Variants in SCYL1 observed in about 807,000 individuals in gnomAD.
The protein encoded by SCYL1 is SCY1 like pseudokinase 1, also known as N-terminal kinase-like protein.
In SCYL1, 85 loss-of-function variants were observed where a neutral mutation model predicts 94.8. The ratio of observed to expected loss-of-function variants is 0.90; its 90% CI spans 0.75 to 1.07. The LOEUF (loss-of-function observed/expected upper bound fraction) is 1.07. Ranked by LOEUF, SCYL1 falls within the 50% of genes least tolerant of loss-of-function variation. The pLI is 0.00. For missense variants in SCYL1, 968 were observed against 1,083.3 expected (o/e 0.89, Z 1.49); for synonymous variants, 459 against 435.5 (o/e 1.05, Z -0.67).
intron 10 of SCYL1, 25 bp from the exon 11 acceptor site, chr11:65,535,928 A>C: frequency 6.5e-7 from 1 of 1,544,284 alleles, no homozygotes; most frequent in Non-Finnish European, 8.7e-7. Context: ...TACACTCAGG[A>C]GCCCTCTTTC....
Position 65,532,765 on chromosome 11 carries a change from T to C in SCYL1, c.1190T>C (p.Phe397Ser). 6.2e-7 allele frequency: 1 copy of C among 1,614,092 alleles called. No individual in the cohort carries two copies. Among genetic ancestry groups the C allele is most frequent in the Non-Finnish European group, 8.5e-7 (1 of 1,179,956 alleles). The change falls in exon 9 of 18, where the codon TTC becomes TCC. Residue 397 changes from phenylalanine to serine, a missense_variant. Physicochemically the swap from Phe to Ser is radical, Grantham distance 155. Coordinates refer to ENST00000270176, the MANE Select transcript of SCYL1 (RefSeq NM_020680.4). Reference protein sequence around the residue: ...TQIFPHVVHGFLDTNPAIREQ... With the variant: ...TQIFPHVVHGSLDTNPAIREQ... Reference sequence around the variant, plus strand: ...ATCTTCCCCCACGTCGTACATGGCTTCCTGGACACCAACCCTGCCATCCGG... The same window carrying C: ...ATCTTCCCCCACGTCGTACATGGCTCCCTGGACACCAACCCTGCCATCCGG...
At chr11:65,530,569 GC>G in intron 6 of SCYL1, 59 bp from the exon 7 acceptor site, 7 of 1,553,216 alleles carry the variant, frequency 4.5e-6, no homozygotes, top group Non-Finnish European at 5.2e-6. Flanking sequence ...CTCACCCATG[GC>G]TGGGTTTGGG....
intron 9 of SCYL1, among the ~76,000 whole-genome samples, chr11:65,533,416 C>T (rs745500580): frequency 1.3e-5 from 2 of 152,168 alleles, no homozygotes; most frequent in African/African-American, 4.8e-5. Context: ...GAGGGAAACT[C>T]TGTTTCAAAA....
rs373178890 is a variant in SCYL1 at position 65,537,811 on chromosome 11, G to C, written c.1962G>C (p.Gln654His). 1.9e-6 allele frequency: 3 copies of C among 1,560,362 alleles called. No individual in the cohort carries two copies. Among genetic ancestry groups the C allele is most frequent in the African/African-American group, 2.7e-5 (2 of 73,738 alleles). Residue 654 changes from glutamine (Q) to histidine (H), a missense_variant and splice_region_variant, in exon 15 of 18, where the codon CAG becomes CAC. This residue lies in a region of SCYL1 where 474 missense variants were observed against 463.6 expected (regional missense o/e 1.02). Transcript: ENST00000270176. ...AGTGGTCCCTTCCCACACTGCAGCA[G>C]GAGGCCGAGTCTGTGCTGGCCCAGC... ...WDDEDWGSLE[Q>H]EAESVLAQQD...
At position 65,526,438 on chromosome 11, in the gene SCYL1, T is replaced by C. The variant is rs1349262059; in HGVS notation, c.602+88T>C. The stretch of plus-strand genomic sequence containing the variant: ...ACTCCTAGACTAGTTGGCACTCCCC[T>C]GTTCCCTGCTGCCTGGCTGGGGAGG... On this transcript the variant is annotated intron_variant, in intron 4 of 17. Transcript: ENST00000270176. This position sits in a 1 kb window ranked among gnomAD's most constrained non-coding sequence, Gnocchi z 4.1. The C allele has an allele frequency of 9.6e-7, 1 of 1,046,594 alleles. No individual in the cohort carries two copies. Among genetic ancestry groups the C allele is most frequent in the Non-Finnish European group, 1.4e-6 (1 of 724,366 alleles). The allele number at this position is 1,046,594 out of a possible 1,614,324, so 64.8% of individuals were successfully genotyped here.
intron 13 of SCYL1, 85 bp from the exon 14 acceptor site, chr11:65,536,901 C>A: frequency 8.0e-7 from 1 of 1,255,284 alleles, no homozygotes; most frequent in Non-Finnish European, 1.1e-6. Context: ...CTTGGTGCCC[C>A]TTCCCCCCAG....
intron 13 of SCYL1, 69 bp from the exon 14 acceptor site, chr11:65,536,917 C>G: frequency 7.7e-7 from 1 of 1,301,172 alleles, no homozygotes; most frequent in Middle Eastern, 2.0e-4. Flanking sequence ...CCCAGTAGCC[C>G]CCTTCCCCTA....
At chr11:65,528,355 T>C (rs1855195749) in intron 6 of SCYL1, among the ~76,000 whole-genome samples, 2 of 152,044 alleles carry the variant, frequency 1.3e-5, no homozygotes, top group South Asian at 2.1e-4. Flanking sequence ...GGCAGGAAAA[T>C]CGCTTGAACC....
At chr11:65,528,488 G>A (rs758729240) in intron 6 of SCYL1, among the ~76,000 whole-genome samples, 1 of 151,478 alleles carries the variant, frequency 6.6e-6, no homozygotes, top group Non-Finnish European at 1.5e-5. Flanking sequence ...AGCCAGTGCG[G>A]TGGCTCCCGC....
In SCYL1 at chr11:65,526,258, T is replaced by C. The variant is rs1407296803; in HGVS notation, c.510T>C (p.Gly170=). ...ACATGTATTCGGCCCAGGGCAACGG[T>C]GGGGGACCTCCCCGCAAGGGGATCC... ...LDYMYSAQGN[G]GGPPRKGIPE... is the part of the protein sequence containing the mutation. Residue 170 remains glycine, a synonymous_variant, in exon 4 of 18, where the codon GGT becomes GGC. Coordinates refer to ENST00000270176, the MANE Select transcript of SCYL1 (RefSeq NM_020680.4). This position sits in a 1 kb window ranked among gnomAD's most constrained non-coding sequence, Gnocchi z 4.1. 1.2e-6 allele frequency: 2 copies of C among 1,612,960 alleles called. No individual in the cohort carries two copies. The highest frequency in any genetic ancestry group is 1.7e-6 in the Non-Finnish European group (2 of 1,179,912).
chr11:65,531,743 G>T, intron 8 of SCYL1, 60 bp downstream of exon 8: 1 of 1,284,098 alleles, frequency 7.8e-7, no homozygotes, highest in Non-Finnish European at 1.1e-6. Context: ...GGTGGCTGGG[G>T]AGGCACCTGC....
At position 65,538,565 on chromosome 11, in the gene SCYL1, G is replaced by T; in HGVS notation, c.2426G>T (p.Ter809LeuextTer?). 6.2e-7 allele frequency: 1 copy of T among 1,609,722 alleles called. No homozygotes were observed. Among genetic ancestry groups the T allele is most frequent in the Non-Finnish European group, 8.5e-7 (1 of 1,178,332 alleles). The change falls in exon 18 of 18, where the codon TGA becomes TTA. Residue 809 changes from the stop codon to leucine, a stop_lost. Transcript: ENST00000270176. The part of the protein sequence containing the change: ...PMKLGARKLD[*>L] ...AAGCTGGGAGCCCGGAAGCTGGACT[G>T]AACCGTGGCGGTGGCCCTTCCCGGC...
intron 8 of SCYL1, 30 bp downstream of exon 8, chr11:65,531,713 G>T (rs775557482): frequency 7.1e-6 from 11 of 1,545,328 alleles, no homozygotes; most frequent in Non-Finnish European, 8.9e-6. Context: ...CTCTGTGGTG[G>T]TCCACCCAGA....
rs371045520 is a variant in SCYL1 at position 65,537,854 on chromosome 11, G to T, written c.2005G>T (p.Gly669Trp). The T allele has an allele frequency of 6.3e-7, 1 of 1,575,360 alleles. No individual in the cohort carries two copies. ...GGCCCAGCAGGACGACTGGAGCACC[G>T]GGGGCCAAGTGAGCCGTGCTAGTCA... ...VLAQQDDWST[G>W]GQVSRASQVS... Residue 669 changes from glycine to tryptophan, a missense_variant, in exon 15 of 18, where the codon GGG becomes TGG. Around this residue, in one of 2 missense-constraint regions of SCYL1, gnomAD observed 474 missense variants for 463.6 expected, o/e 1.02. Transcript: ENST00000270176.
chr11:65,532,986 GACA>G, intron 9 of SCYL1, 181 bp downstream of exon 9: 1 of 584,496 alleles, frequency 1.7e-6, no homozygotes, highest in Non-Finnish European at 3.1e-6. Flanking sequence ...CCATTCAGCA[GACA>G]ACGAGCATCT....
intron 6 of SCYL1, among the ~76,000 whole-genome samples, chr11:65,528,461 C>T (rs1855202519): frequency 7.1e-6 from 1 of 140,624 alleles, no homozygotes; most frequent in Admixed American, 7.2e-5. Flanking sequence ...CAAAAGAACA[C>T]CATAAATAAG....
In SCYL1 at chr11:65,526,378, A is replaced by G; in HGVS notation, c.602+28A>G. 6.5e-7 allele frequency: 1 copy of G among 1,549,426 alleles called. No homozygotes were observed. The highest frequency in any genetic ancestry group is 2.3e-5 in the East Asian group (1 of 44,154). The stretch of plus-strand genomic sequence containing the variant: ...GGGTGACTGGGGGCAGCGCGCCCCA[A>G]CCTGCCCTGTCCTGGAGGCCCCTGC... On this transcript the variant is annotated intron_variant, in intron 4 of 17. Coordinates refer to ENST00000270176, the MANE Select transcript of SCYL1 (RefSeq NM_020680.4). This position sits in a 1 kb window ranked among gnomAD's most constrained non-coding sequence, Gnocchi z 4.1.
Position 65,526,901 on chromosome 11 carries a change from C to T in SCYL1, c.693+28C>T. ...AAGTTTCTTGCCCCTGGCTCTTTGC[C>T]CTGCCTCAGCCCCTCTGCCAGCTGG... On this transcript the variant is annotated intron_variant, in intron 5 of 17. Coordinates refer to ENST00000270176, the MANE Select transcript of SCYL1 (RefSeq NM_020680.4). This position sits in a 1 kb window ranked among gnomAD's most constrained non-coding sequence, Gnocchi z 4.1. 4 of 1,611,904 alleles carry T rather than the reference C, an allele frequency of 2.5e-6. No individual in the cohort carries two copies. The highest frequency in any genetic ancestry group is 4.5e-5 in the East Asian group (2 of 44,818).
intron 6 of SCYL1, among the ~76,000 whole-genome samples, chr11:65,529,312 T>C (rs1171577218): frequency 1.3e-5 from 2 of 151,988 alleles, no homozygotes; most frequent in South Asian, 4.2e-4. Flanking sequence ...TTACGTGGAG[T>C]TCTCCTCGTA....
Sources: gnomAD v4.1 joint callset for allele counts (sites outside exome capture counted in the v4.1 genomes callset) on GRCh38, gnomAD v4.1.1 for gene constraint, gnomAD v4.1.1 regional missense constraint, Gnocchi (gnomAD v3.1) non-coding constraint, MANE v1.5 for transcripts, NCBI Gene and HGNC (gene_info 2026-07-23, HGNC 2026-07-21) for gene names.